Variants in SMPDL3A observed in about 807,000 individuals in gnomAD.
The protein encoded by SMPDL3A is sphingomyelin phosphodiesterase acid like 3A.
A neutral mutation model predicts 38.5 loss-of-function variants in SMPDL3A; 39 were observed. The observed-to-expected ratio is 1.01, with a 90% CI of 0.78 to 1.32. SMPDL3A has a LOEUF of 1.32. Ranked by LOEUF, SMPDL3A falls within the 40% of genes most tolerant of loss-of-function variation. The probability of loss-of-function intolerance (pLI) is 0.00; values close to 1 mark genes in which losing one functional copy is unlikely to be tolerated. For missense variants in SMPDL3A, 502 were observed against 536.2 expected (o/e 0.94, Z 0.63); for synonymous variants, 180 against 194.3 (o/e 0.93, Z 0.61).
intron 3 of SMPDL3A, among the ~76,000 whole-genome samples, chr6:122,800,873 C>A (rs1781407483): frequency 1.3e-5 from 2 of 152,138 alleles, no homozygotes; most frequent in Admixed American, 1.3e-4. Context: ...GCCTCAGCCT[C>A]CCAAGTAGCT....
Position 122,809,099 on chromosome 6 carries a change from G to T in SMPDL3A, c.1053G>T (p.Leu351Phe). Residue 351 changes from leucine (L) to phenylalanine (F), a missense_variant, in exon 8 of 8, where the codon TTG becomes TTT. Transcript: ENST00000368440. ...DPRDYKLLDM[L>F]QYYLNLTEAN... ...ACTGTTCTTAACTGCAGGATATGTT[G>T]CAGTATTACTTGAATCTGACAGAGG... The T allele has an allele frequency of 1.2e-6, 2 of 1,613,426 alleles. No homozygotes were observed. Among genetic ancestry groups the T allele is most frequent in the Non-Finnish European group, 1.7e-6 (2 of 1,179,436 alleles).
chr6:122,792,638 C>CTT lies in SMPDL3A; in HGVS notation c.113-3024_113-3023dup, dbSNP rs368762743. Among the ~76,000 whole-genome samples, 430 of 140,776 alleles carry CTT rather than the reference C, an allele frequency of 3.1e-3. 3 individuals are homozygous for CTT. The highest frequency in any genetic ancestry group is 7.1e-3 in the Admixed American group (101 of 14,300). 92.4% of individuals were successfully genotyped at this position (140,776 alleles called of 152,430 possible). On this transcript the variant is annotated intron_variant, in intron 1 of 7. Coordinates refer to ENST00000368440, the MANE Select transcript of SMPDL3A (RefSeq NM_006714.5). ...ATCTGTTTTCTTTCTTCTTCTTCCC[C>CTT]TTTTTTTTTTTTTTTTAGAGACAGG... is the stretch of plus-strand genomic sequence containing the variant.
At position 122,789,275 on chromosome 6, in the gene SMPDL3A, C is replaced by T; in HGVS notation, c.-72C>T. ...CCGCAGCCGTCTTCTGTCTCCGCCT[C>T]ACCCTCAGGCCTGACGGTCCGAGTG... On this transcript the variant is annotated 5_prime_UTR_variant, in exon 1 of 8. Transcript: ENST00000368440. The T allele has an allele frequency of 9.2e-7, 1 of 1,089,642 alleles. No individual in the cohort carries two copies. Among genetic ancestry groups the T allele is most frequent in the Non-Finnish European group, 1.3e-6 (1 of 765,500 alleles). 67.5% of individuals were successfully genotyped at this position (1,089,642 alleles called of 1,614,324 possible). A position where few individuals can be genotyped will look rare whatever the true frequency, so the allele number is the denominator to read the frequency against.
Position 122,799,961 on chromosome 6 carries a change from CTTTT to C in SMPDL3A, c.472-1332_472-1329del, listed in dbSNP as rs112956534. ...TTTATGGGTTTTTATTCAGTATTTA[CTTTT>C]TTTTTTTTTTTTTTTTGAAACAGGG... On this transcript the variant is annotated intron_variant, in intron 3 of 7. Coordinates refer to ENST00000368440, the MANE Select transcript of SMPDL3A (RefSeq NM_006714.5). 2.7e-3 allele frequency among the ~76,000 whole-genome samples: 342 copies of C among 124,526 alleles called. 13 individuals carry two copies. The East Asian group carries it at 0.062, about 23-fold the overall frequency. 81.7% of individuals were successfully genotyped at this position (124,526 alleles called of 152,430 possible).
intron 1 of SMPDL3A, among the ~76,000 whole-genome samples, chr6:122,794,335 C>T (rs954670127): frequency 2.0e-5 from 3 of 152,140 alleles, no homozygotes; most frequent in African/African-American, 4.8e-5. Context: ...TGGTGGCTCA[C>T]GCCTGTAATC....
chr6:122,803,427 C>G (rs890758975), intron 4 of SMPDL3A, among the ~76,000 whole-genome samples: 3 of 152,182 alleles, frequency 2.0e-5, no homozygotes, highest in Non-Finnish European at 4.4e-5. Flanking sequence ...TTGGATACAG[C>G]TGTTGTTATC....
At chr6:122,803,166 G>A (rs1242893003) in intron 4 of SMPDL3A, among the ~76,000 whole-genome samples, 7 of 152,164 alleles carry the variant, frequency 4.6e-5, no homozygotes, top group Admixed American at 1.3e-4. Context: ...GTTCAGAGGC[G>A]TGGGTGGAAT....
At chr6:122,808,892 C>T (rs1368482246) in intron 7 of SMPDL3A, among the ~76,000 whole-genome samples, 199 bp from the exon 8 acceptor site, 2 of 151,748 alleles carry the variant, frequency 1.3e-5, no homozygotes, top group Non-Finnish European at 2.9e-5. Flanking sequence ...TGGGGTTTCA[C>T]CATGTTGGTC....
At chr6:122,791,143 C>A (rs1447473677) in intron 1 of SMPDL3A, among the ~76,000 whole-genome samples, 1 of 152,188 alleles carries the variant, frequency 6.6e-6, no homozygotes, top group Non-Finnish European at 1.5e-5. Context: ...ATCCACCCTG[C>A]CTGGCTACTG....
chr6:122,798,359 A>AT (rs1317092082), intron 3 of SMPDL3A, among the ~76,000 whole-genome samples: 1 of 152,182 alleles, frequency 6.6e-6, no homozygotes, highest in Non-Finnish European at 1.5e-5. Flanking sequence ...TTGTGTTTAT[A>AT]TGCCTTAGGT....
At chr6:122,802,294 T>C (rs188509230) in intron 4 of SMPDL3A, among the ~76,000 whole-genome samples, 238 of 151,714 alleles carry the variant, frequency 1.6e-3, no homozygotes, top group African/African-American at 5.6e-3. Flanking sequence ...CTCTGCCTCC[T>C]GGTTTCAAGC....
chr6:122,789,513 C>G, intron 1 of SMPDL3A, 55 bp downstream of exon 1: 1 of 1,426,886 alleles, frequency 7.0e-7, no homozygotes, highest in Non-Finnish European at 9.7e-7. Flanking sequence ...GGAGCGGCGG[C>G]GCCTGCGCAC....
At chr6:122,802,401 T>C (rs752745707) in intron 4 of SMPDL3A, among the ~76,000 whole-genome samples, 1 of 151,960 alleles carries the variant, frequency 6.6e-6, no homozygotes, top group Non-Finnish European at 1.5e-5. Flanking sequence ...AGGGTTTCAC[T>C]ATGTTGGTCA....
At chr6:122,795,560 CA>C (rs1781217399) in intron 1 of SMPDL3A, 116 bp from the exon 2 acceptor site, 1 of 719,322 alleles carries the variant, frequency 1.4e-6, no homozygotes, top group Non-Finnish European at 2.3e-6. Context: ...TTTAAATTAC[CA>C]AGGCTTTCCT....
At chr6:122,801,762 A>G (rs566715621) in intron 4 of SMPDL3A, among the ~76,000 whole-genome samples, 1 of 152,348 alleles carries the variant, frequency 6.6e-6, no homozygotes, top group South Asian at 2.1e-4. Context: ...CAAGCAGCAC[A>G]ATTTTATAAA....
intron 1 of SMPDL3A, among the ~76,000 whole-genome samples, chr6:122,795,378 A>C (rs911104111): frequency 2.6e-5 from 4 of 152,096 alleles, no homozygotes; most frequent in Admixed American, 6.6e-5. Flanking sequence ...CCTGACCTCA[A>C]GGGATCCACC....
At chr6:122,807,090 G>A (rs1781649938) in intron 7 of SMPDL3A, among the ~76,000 whole-genome samples, 3 of 151,268 alleles carry the variant, frequency 2.0e-5, no homozygotes, top group South Asian at 4.2e-4. Flanking sequence ...ATGGGGGGGG[G>A]GGGTCTCCCT....
At chr6:122,789,824 C>G (rs1781011122) in intron 1 of SMPDL3A, 1 of 985,192 alleles carries the variant, frequency 1.0e-6, no homozygotes, top group Admixed American at 6.1e-5. Flanking sequence ...GAAGAGGAAG[C>G]TGGGAGTCCG....
chr6:122,796,117 G>A (rs1381302814), intron 2 of SMPDL3A, among the ~76,000 whole-genome samples: 1 of 152,048 alleles, frequency 6.6e-6, no homozygotes, highest in East Asian at 1.9e-4. Context: ...ACTAAGAGAT[G>A]AATCCATAAA....
Sources: gnomAD v4.1 joint callset for allele counts (sites outside exome capture counted in the v4.1 genomes callset) on GRCh38, gnomAD v4.1.1 for gene constraint, MANE v1.5 for transcripts, NCBI Gene and HGNC (gene_info 2026-07-23, HGNC 2026-07-21) for gene names.